The following LOC400499 variants were observed in gnomAD, a reference collection of about 807,000 sequenced individuals.
At chr16:11,432,450 G>T in the LOC400499 span, among the ~76,000 whole-genome samples, 1 of 152,294 alleles carries the variant, frequency 6.6e-6, no homozygotes, top group Middle Eastern at 3.4e-3. Flanking sequence ...CTAATATACA[G>T]ATGAGGAAAC....
the LOC400499 span, among the ~76,000 whole-genome samples, chr16:11,417,089 C>G: frequency 2.0e-5 from 3 of 150,826 alleles, no homozygotes; most frequent in African/African-American, 7.4e-5. Flanking sequence ...AACCGTGTCC[C>G]CCAAAAAGAG....
chr16:11,480,787 T>C, the LOC400499 span, among the ~76,000 whole-genome samples: 1 of 152,128 alleles, frequency 6.6e-6, no homozygotes, highest in Non-Finnish European at 1.5e-5. Flanking sequence ...GATACAGAAA[T>C]TGTTGTTTGT....
chr16:11,466,900 G>T, the LOC400499 span, among the ~76,000 whole-genome samples: 1 of 151,208 alleles, frequency 6.6e-6, no homozygotes, highest in Admixed American at 6.6e-5. Flanking sequence ...GATTGCCAAG[G>T]TGTACGTACG....
At chr16:11,427,501 G>A in the LOC400499 span, among the ~76,000 whole-genome samples, 1 of 151,790 alleles carries the variant, frequency 6.6e-6, no homozygotes, top group Non-Finnish European at 1.5e-5. Flanking sequence ...CTGGAATGCA[G>A]TGCCACAATC....
chr16:11,490,574 A>G, the LOC400499 span, among the ~76,000 whole-genome samples: 85,807 of 151,792 alleles, frequency 0.57, 25,820 homozygotes, highest in African/African-American at 0.78. Context: ...GGTGGTGGCC[A>G]CCTGTAGTCC....
chr16:11,485,869 G>A, the LOC400499 span, among the ~76,000 whole-genome samples: 4 of 152,290 alleles, frequency 2.6e-5, no homozygotes, highest in Middle Eastern at 3.4e-3. Flanking sequence ...GGATGAGTGG[G>A]AAAACAGATG....
the LOC400499 span, among the ~76,000 whole-genome samples, chr16:11,512,955 C>T: frequency 6.6e-6 from 1 of 152,130 alleles, no homozygotes; most frequent in African/African-American, 2.4e-5. Context: ...CCAGGGGGTG[C>T]CGGGAGCCTG....
the LOC400499 span, among the ~76,000 whole-genome samples, chr16:11,509,263 G>A: frequency 3.0e-4 from 46 of 151,504 alleles, no homozygotes; most frequent in East Asian, 1.4e-3. Flanking sequence ...GACTACAGGC[G>A]CCTGCCACCA....
At chr16:11,480,906 T>C in the LOC400499 span, among the ~76,000 whole-genome samples, 1 of 152,110 alleles carries the variant, frequency 6.6e-6, no homozygotes, top group Non-Finnish European at 1.5e-5. Context: ...CAAAAAGAAG[T>C]ACAGGAGCAG....
the LOC400499 span, chr16:11,391,889 G>C: frequency 8.6e-7 from 1 of 1,158,148 alleles, no homozygotes; most frequent in Non-Finnish European, 1.1e-6. Flanking sequence ...GGCAGAATCA[G>C]GGTGAGGTCC....
At chr16:11,492,356 A>G in the LOC400499 span, among the ~76,000 whole-genome samples, 1 of 150,226 alleles carries the variant, frequency 6.7e-6, no homozygotes, top group Non-Finnish European at 1.5e-5. Flanking sequence ...AAATATTAAC[A>G]TAAGCAACAA....
the LOC400499 span, among the ~76,000 whole-genome samples, chr16:11,416,159 A>T: frequency 6.6e-6 from 1 of 151,982 alleles, no homozygotes; most frequent in Non-Finnish European, 1.5e-5. Context: ...CATGTTGGCC[A>T]GGCTAGTCTC....
chr16:11,509,615 G>A, the LOC400499 span, among the ~76,000 whole-genome samples: 2 of 151,368 alleles, frequency 1.3e-5, no homozygotes, highest in Admixed American at 6.6e-5. Context: ...TGGATCACCC[G>A]AGGTCAGGAG....
At chr16:11,511,643 G>C in the LOC400499 span, among the ~76,000 whole-genome samples, 2 of 152,230 alleles carry the variant, frequency 1.3e-5, no homozygotes, top group Non-Finnish European at 2.9e-5. Context: ...AGGAAAATTA[G>C]AGGCAGAAAG....
the LOC400499 span, among the ~76,000 whole-genome samples, chr16:11,505,952 TTGAG>T: frequency 6.6e-6 from 1 of 152,216 alleles, no homozygotes; most frequent in Non-Finnish European, 1.5e-5. Flanking sequence ...TAGGAATCTA[TTGAG>T]TATTAGAGTC....
the LOC400499 span, among the ~76,000 whole-genome samples, chr16:11,523,161 A>G: frequency 0.047 from 7,169 of 152,272 alleles, 533 homozygotes; most frequent in African/African-American, 0.16. Context: ...TGGGGCCCAC[A>G]GGCATGAAGA....
the LOC400499 span, chr16:11,447,919 A>T: frequency 6.5e-7 from 1 of 1,531,842 alleles, no homozygotes; most frequent in Non-Finnish European, 8.7e-7. Flanking sequence ...AGCTGAGCAG[A>T]AGGGGCGCAC....
the LOC400499 span, among the ~76,000 whole-genome samples, chr16:11,481,228 G>A: frequency 6.6e-6 from 1 of 152,230 alleles, no homozygotes; most frequent in South Asian, 2.1e-4. Context: ...CTCTTTCACG[G>A]GTGCAGTGTC....
At chr16:11,518,270 A>G in the LOC400499 span, among the ~76,000 whole-genome samples, 4 of 152,192 alleles carry the variant, frequency 2.6e-5, no homozygotes, top group African/African-American at 7.2e-5. Context: ...AATTTGCAAT[A>G]AAAACGGAAG....
Sources: allele counts gnomAD v4.1 joint callset (sites outside exome capture counted in the v4.1 genomes callset), GRCh38; gene constraint gnomAD v4.1.1; transcripts MANE v1.5.